The following ACTN2 variants were observed in gnomAD, a reference collection of about 807,000 sequenced individuals.
ACTN2 encodes actinin alpha 2.
A neutral mutation model predicts 113.8 loss-of-function variants in ACTN2; 39 were observed. That is an observed-to-expected ratio of 0.34 (90% CI 0.27 to 0.45). The LOEUF (loss-of-function observed/expected upper bound fraction) is 0.45, where lower values mean the gene tolerates loss of function less well. ACTN2 is among the 20% of genes least tolerant of loss of function. The pLI is 1.00. For missense variants in ACTN2, 992 were observed against 1,177.9 expected (o/e 0.84, Z 2.31); for synonymous variants, 429 against 444.1 (o/e 0.97, Z 0.43).
At position 236,754,102 on chromosome 1, in the gene ACTN2, G is replaced by A; in HGVS notation, c.1974+21G>A. On this transcript the variant is annotated intron_variant, in intron 16 of 20. Transcript: ENST00000366578. The surrounding 1 kb of genome is among the most constrained non-coding windows in gnomAD (Gnocchi z 4.9). ...TGGAGGTAAGCCAGCGCCCTCCCAG[G>A]CGCTGTTCACAAGCCTTGCGATAAG... 3 of 1,612,996 alleles carry A rather than the reference G, an allele frequency of 1.9e-6. No individual in the cohort carries two copies. The South Asian group carries it at 3.3e-5, about 18-fold the overall frequency.
chr1:236,762,645 C>G lies in ACTN2; in HGVS notation c.*26C>G. 6.2e-7 allele frequency: 1 copy of G among 1,611,574 alleles called. No individual in the cohort carries two copies. The highest frequency in any genetic ancestry group is 2.2e-5 in the East Asian group (1 of 44,824). ...TGCTGAGCTTCTGTAATCACTCATC[C>G]CATCAGAATGCAATAAAAGCGGAAG... On this transcript the variant is annotated 3_prime_UTR_variant, in exon 21 of 21. Transcript: ENST00000366578.
At chr1:236,703,322 G>A (rs999927389) in intron 1 of ACTN2, among the ~76,000 whole-genome samples, 3 of 151,930 alleles carry the variant, frequency 2.0e-5, no homozygotes, top group Admixed American at 2.0e-4. Context: ...AGGCAGGTGT[G>A]ACCCCACACA....
rs112399789 is a variant in ACTN2 at position 236,720,897 on chromosome 1, A to G, written c.448+706A>G. The stretch of plus-strand genomic sequence containing the variant: ...TGTTTCAGGGCTGCTGCATTGTCCA[A>G]CTATTTGGCCCCTTCTGACTCTGTA... On this transcript the variant is annotated intron_variant, in intron 4 of 20. Transcript: ENST00000366578. Among the ~76,000 whole-genome samples the G allele has an allele frequency of 6.0e-3, 616 of 101,934 alleles. 5 individuals carry two copies. Among genetic ancestry groups the G allele is most frequent in the African/African-American group, 0.018 (589 of 32,212 alleles). The allele number at this position is 101,934 out of a possible 152,430, so 66.9% of individuals were successfully genotyped here.
Position 236,735,282 on chromosome 1 carries a change from G to A in ACTN2, c.698-353G>A, listed in dbSNP as rs1026533465. 3.3e-5 allele frequency among the ~76,000 whole-genome samples: 5 copies of A among 152,142 alleles called. No individual in the cohort carries two copies. In the South Asian group the frequency reaches 6.2e-4, roughly 19 times the overall value. ...GCAGAGGGGCCGGGTGCCCTGATGC[G>A]GTTGGAGGACCGGAGTCACGAGGAA... On this transcript the variant is annotated intron_variant, in intron 7 of 20. Coordinates refer to ENST00000366578, the MANE Select transcript of ACTN2 (RefSeq NM_001103.4).
intron 10 of ACTN2, among the ~76,000 whole-genome samples, chr1:236,741,690 T>A (rs12137069): frequency 0.42 from 63,655 of 152,062 alleles, 16,166 homozygotes; most frequent in Non-Finnish European, 0.57. Flanking sequence ...TGGCCTATCC[T>A]AAGCCACCAT....
intron 1 of ACTN2, among the ~76,000 whole-genome samples, chr1:236,715,065 T>G (rs922533726): frequency 6.6e-6 from 1 of 152,198 alleles, no homozygotes; most frequent in African/African-American, 2.4e-5. Context: ...GCTTCATTCC[T>G]TATGGGGTAG....
At chr1:236,760,829 T>C (rs1055304986) in intron 19 of ACTN2, among the ~76,000 whole-genome samples, 186 bp from the exon 20 acceptor site, 3 of 152,216 alleles carry the variant, frequency 2.0e-5, no homozygotes, top group African/African-American at 4.8e-5. Flanking sequence ...CTTTTAAAAT[T>C]GTTTGGTAGC....
intron 4 of ACTN2, among the ~76,000 whole-genome samples, chr1:236,723,231 A>G (rs2914919): frequency 0.9 from 136,433 of 152,264 alleles, 62,413 homozygotes; most frequent in Non-Finnish European, 0.99. Flanking sequence ...CTGCAAAGAC[A>G]GGCAGAACAA....
At chr1:236,721,534 A>T (rs1382067984) in intron 4 of ACTN2, among the ~76,000 whole-genome samples, 1 of 152,232 alleles carries the variant, frequency 6.6e-6, no homozygotes, top group Non-Finnish European at 1.5e-5. Context: ...CAGGAATGAC[A>T]GCCAGCTTGA....
intron 1 of ACTN2, among the ~76,000 whole-genome samples, chr1:236,709,378 A>G (rs190335328): frequency 1.4e-5 from 2 of 147,288 alleles, no homozygotes; most frequent in East Asian, 3.9e-4. Context: ...GTATATATAT[A>G]TATGTATGTA....
intron 1 of ACTN2, among the ~76,000 whole-genome samples, chr1:236,713,270 C>T (rs1287110282): frequency 1.3e-5 from 2 of 151,418 alleles, no homozygotes; most frequent in Non-Finnish European, 2.9e-5. Context: ...TCCTGTTTCC[C>T]AGGCTGTAGT....
At chr1:236,710,088 A>G (rs1657979777) in intron 1 of ACTN2, among the ~76,000 whole-genome samples, 1 of 152,192 alleles carries the variant, frequency 6.6e-6, no homozygotes, top group Admixed American at 6.5e-5. Flanking sequence ...TATTCAGGGA[A>G]CCATGTCAGA....
chr1:236,709,289 T>TGTATATATGTATATATAC (rs1274247360), intron 1 of ACTN2, among the ~76,000 whole-genome samples: 34 of 142,026 alleles, frequency 2.4e-4, no homozygotes, highest in African/African-American at 4.9e-4. Context: ...TGTATATATA[T>TGTATATATGTATATATAC]GTATATATGT....
chr1:236,740,864 G>A (rs1659047872), intron 10 of ACTN2, among the ~76,000 whole-genome samples: 1 of 151,968 alleles, frequency 6.6e-6, no homozygotes, highest in Non-Finnish European at 1.5e-5. Flanking sequence ...CATTCTTGAA[G>A]TTCTTCCTAC....
intron 1 of ACTN2, among the ~76,000 whole-genome samples, chr1:236,712,988 C>A (rs1214637682): frequency 6.7e-6 from 1 of 148,464 alleles, no homozygotes; most frequent in Non-Finnish European, 1.5e-5. Context: ...TGTGATTAGT[C>A]TTAATATTGT....
intron 12 of ACTN2, among the ~76,000 whole-genome samples, chr1:236,745,126 A>G (rs1207212929): frequency 2.0e-5 from 3 of 152,116 alleles, no homozygotes; most frequent in African/African-American, 7.2e-5. Context: ...TGAAATCAAC[A>G]TAAAACCAAG....
intron 7 of ACTN2, among the ~76,000 whole-genome samples, chr1:236,733,885 A>G (rs1042337622): frequency 1.3e-5 from 2 of 152,162 alleles, no homozygotes; most frequent in Non-Finnish European, 1.5e-5. Context: ...CCACTCACCC[A>G]TGAACTGTTA....
intron 7 of ACTN2, among the ~76,000 whole-genome samples, chr1:236,733,687 T>C (rs891139886): frequency 6.6e-6 from 1 of 152,238 alleles, no homozygotes; most frequent in African/African-American, 2.4e-5. Context: ...ATTCCTGTAT[T>C]CCCATGCCTT....
In ACTN2 at chr1:236,707,595, T is replaced by C. The variant is rs559272567; in HGVS notation, c.127-10263T>C. Among the ~76,000 whole-genome samples, 30 of 152,260 alleles carry C rather than the reference T, an allele frequency of 2.0e-4. No individual in the cohort carries two copies. The South Asian group carries it at 4.6e-3, about 23-fold the overall frequency. On this transcript the variant is annotated intron_variant, in intron 1 of 20. Transcript: ENST00000366578. ...TTTGTATTTCTATGGCACATAGAAA[T>C]GTTTCCTAGTCGCTTATAATCCATC...
Sources: allele counts gnomAD v4.1 joint callset (sites outside exome capture counted in the v4.1 genomes callset), GRCh38; gene constraint gnomAD v4.1.1; non-coding constraint Gnocchi (gnomAD v3.1); transcripts MANE v1.5; gene names NCBI Gene and HGNC (gene_info 2026-07-23, HGNC 2026-07-21).